Variants in FOXP2 observed in about 807,000 individuals in gnomAD.
FOXP2 encodes forkhead box protein P2.
A neutral mutation model predicts 115.8 loss-of-function variants in FOXP2; 12 were observed. The ratio of observed to expected loss-of-function variants is 0.10; its 90% confidence interval spans 0.07 to 0.17. The LOEUF is 0.17. FOXP2 is among the 10% of genes least tolerant of loss of function. The pLI, the probability that FOXP2 is intolerant of heterozygous loss-of-function variation, is 1.00. For missense variants in FOXP2, 629 were observed against 843.5 expected, an observed-to-expected ratio of 0.75 and a Z score of 3.15; for synonymous variants, 328 against 297.7, an observed-to-expected ratio of 1.10 and a Z score of -1.05.
Position 114,629,451 on chromosome 7 carries a change from A to C in FOXP2, c.397-354A>C. On this transcript the variant is annotated intron_variant, in intron 4 of 16. Coordinates refer to ENST00000350908, the MANE Select transcript of FOXP2 (RefSeq NM_014491.4). ...AATAAGAATTGAGCAACCTGATTTT[A>C]TGTAGCTAAATTTTTATTCTTACAA... 3 of 711,374 alleles carry C rather than the reference A, an allele frequency of 4.2e-6. No homozygotes were observed. In the South Asian group the frequency reaches 5.7e-5, roughly 14 times the overall value. The allele number at this position is 711,374 out of a possible 1,614,324, so 44.1% of individuals were successfully genotyped here.
intron 2 of FOXP2, among the ~76,000 whole-genome samples, chr7:114,495,252 A>G (rs978377427): frequency 6.6e-6 from 1 of 152,160 alleles, no homozygotes; most frequent in Non-Finnish European, 1.5e-5. Flanking sequence ...TCCTTAAATC[A>G]CAGTCTGTTC....
chr7:114,680,647 G>T (rs531396197), intron 16 of FOXP2, among the ~76,000 whole-genome samples: 117 of 152,142 alleles, frequency 7.7e-4, no homozygotes, highest in Middle Eastern at 3.4e-3. Flanking sequence ...GGGAGGCTGA[G>T]GCAGGAGAAT....
intron 1 of FOXP2, among the ~76,000 whole-genome samples, chr7:114,152,240 A>G (rs1263944155): frequency 6.6e-6 from 1 of 152,182 alleles, no homozygotes; most frequent in East Asian, 1.9e-4. Context: ...TATTGAATAC[A>G]TAATTTTTAC....
chr7:114,442,435 T>C (rs981597632), intron 2 of FOXP2, among the ~76,000 whole-genome samples: 19 of 151,910 alleles, frequency 1.3e-4, no homozygotes, highest in Non-Finnish European at 2.1e-4. Context: ...CTTAAAACAC[T>C]GAATTGTACA....
At chr7:114,453,231 T>G (rs142862950) in intron 2 of FOXP2, among the ~76,000 whole-genome samples, 134 of 152,200 alleles carry the variant, frequency 8.8e-4, no homozygotes, top group African/African-American at 3.1e-3. Flanking sequence ...ATTAAGAGAT[T>G]TCCTATTTGT....
chr7:114,593,515 T>TA (rs1802544210), intron 3 of FOXP2, among the ~76,000 whole-genome samples: 1 of 152,064 alleles, frequency 6.6e-6, no homozygotes, highest in Non-Finnish European at 1.5e-5. Flanking sequence ...TGATCAATGA[T>TA]AAAAATCATT....
intron 1 of FOXP2, among the ~76,000 whole-genome samples, chr7:114,248,611 A>G (rs1364799381): frequency 6.6e-6 from 1 of 152,238 alleles, no homozygotes; most frequent in Admixed American, 6.5e-5. Context: ...ATTCATAACA[A>G]TATAAGACTG....
At chr7:114,412,552 A>T (rs1041796896), upstream of FOXP2, among the ~76,000 whole-genome samples, 3 of 152,048 alleles carry the variant, frequency 2.0e-5, no homozygotes, top group African/African-American at 7.2e-5. Flanking sequence ...TTCTTTTCCT[A>T]GTTTTTGTCA....
At chr7:114,507,491 T>C (rs534304015) in intron 2 of FOXP2, among the ~76,000 whole-genome samples, 1 of 152,032 alleles carries the variant, frequency 6.6e-6, no homozygotes, top group African/African-American at 2.4e-5. Flanking sequence ...ATTCCTTATC[T>C]CAAGGATAAT....
Position 114,174,948 on chromosome 7 carries a change from A to G in FOXP2, c.-102+11860A>G, listed in dbSNP as rs1305114996. Among the ~76,000 whole-genome samples the G allele has an allele frequency of 2.6e-5, 4 of 152,094 alleles. 1 individual carries two copies. Among genetic ancestry groups the G allele is most frequent in the South Asian group, 4.1e-4 (2 of 4,826 alleles). On this transcript the variant is annotated intron_variant, in intron 1 of 17. Transcript: ENST00000634411. ...AAAGTAGCCTGTATATCTTGCCTAA[A>G]TATCTTATCTGAATTTGAATCTTGT... is the stretch of plus-strand genomic sequence containing the variant.
intron 3 of FOXP2, among the ~76,000 whole-genome samples, chr7:114,590,966 A>C (rs1057453465): frequency 6.6e-6 from 1 of 152,170 alleles, no homozygotes; most frequent in African/African-American, 2.4e-5. Context: ...CTTTAAAGTA[A>C]ATTCAAAACT....
chr7:114,529,328 A>T lies in FOXP2; in HGVS notation c.169-5289A>T, dbSNP rs566503774. 2.0e-5 allele frequency among the ~76,000 whole-genome samples: 3 copies of T among 151,908 alleles called. No homozygotes were observed. In the East Asian group the frequency reaches 5.8e-4, roughly 29 times the overall value. On this transcript the variant is annotated intron_variant, in intron 2 of 16. Coordinates refer to ENST00000350908, the MANE Select transcript of FOXP2 (RefSeq NM_014491.4). ...TACTGAATATTGGGTTTGGACTTGA[A>T]CCTTGAAGAATTTATTCTCACTTCT...
chr7:114,402,655 T>C (rs913290404), intron 2 of FOXP2, among the ~76,000 whole-genome samples: 1 of 151,420 alleles, frequency 6.6e-6, no homozygotes, highest in African/African-American at 2.4e-5. Flanking sequence ...GGTCTTGCTC[T>C]GTCACCCAAG....
At chr7:114,382,254 C>T (rs534713727) in intron 2 of FOXP2, among the ~76,000 whole-genome samples, 1 of 152,290 alleles carries the variant, frequency 6.6e-6, no homozygotes, top group Admixed American at 6.5e-5. Context: ...GACAGTTACC[C>T]TTCTGACCCT....
intron 2 of FOXP2, among the ~76,000 whole-genome samples, chr7:114,303,828 A>T (rs750547127): frequency 1.3e-4 from 20 of 152,308 alleles, no homozygotes; most frequent in Non-Finnish European, 2.5e-4. Context: ...TAAACAAAGT[A>T]TATAAAAGTA....
chr7:114,352,906 G>C (rs1275220280), intron 2 of FOXP2, among the ~76,000 whole-genome samples: 1 of 151,962 alleles, frequency 6.6e-6, no homozygotes, highest in Non-Finnish European at 1.5e-5. Context: ...TTTCTAACTG[G>C]AAGTCACAAA....
rs1459416216 is a variant in FOXP2 at position 114,578,449 on chromosome 7, G to A, written c.258+43743G>A. Among the ~76,000 whole-genome samples the A allele has an allele frequency of 3.3e-5, 5 of 152,092 alleles. No individual in the cohort carries two copies. The East Asian group carries it at 9.7e-4, about 29-fold the overall frequency. On this transcript the variant is annotated intron_variant, in intron 3 of 16. Transcript: ENST00000350908. The stretch of plus-strand genomic sequence containing the variant: ...TCCTTTATTTTACAATTGAAAAAAA[G>A]TGTTAAAGAATAAAAGTGACTTCCT...
Position 114,485,605 on chromosome 7 carries a change from G to T in FOXP2, c.169-49012G>T, listed in dbSNP as rs188661724. 9.9e-5 allele frequency among the ~76,000 whole-genome samples: 15 copies of T among 152,026 alleles called. No individual in the cohort carries two copies. The East Asian group carries it at 2.5e-3, about 26-fold the overall frequency. ...TAGACAATATTACACTTGCTGTGTA[G>T]TATTGATGAAAATAGTAATAATCAT... is the stretch of plus-strand genomic sequence containing the variant. On this transcript the variant is annotated intron_variant, in intron 2 of 16. Transcript: ENST00000350908.
At chr7:114,398,911 G>GTGAGCACCATATGTTTGTAGT (rs1421149522) in intron 2 of FOXP2, among the ~76,000 whole-genome samples, 3 of 152,198 alleles carry the variant, frequency 2.0e-5, no homozygotes, top group African/African-American at 7.2e-5. Context: ...TTGGCAGGTA[G>GTGAGCACCATATGTTTGTAGT]TGAGCACCAT....
Sources: gnomAD v4.1 joint callset for allele counts (sites outside exome capture counted in the v4.1 genomes callset) on GRCh38, gnomAD v4.1.1 for gene constraint, MANE v1.5 for transcripts, NCBI Gene and HGNC (gene_info 2026-07-23, HGNC 2026-07-21) for gene names.